ZFHX3: variants seen among roughly 807,000 people sequenced by gnomAD.
The protein encoded by ZFHX3 is zinc finger homeobox protein 3.
A neutral mutation model predicts 279.1 loss-of-function variants in ZFHX3; 42 were observed. That is an observed-to-expected ratio of 0.15 (90% CI 0.12 to 0.19). The LOEUF (loss-of-function observed/expected upper bound fraction) is 0.19, where lower values mean the gene tolerates loss of function less well. Among genes scored for constraint, ZFHX3 ranks in the 10% least tolerant of loss-of-function variants. ZFHX3 has a pLI of 1.00. For missense variants in ZFHX3, 4,981 were observed against 4,754.0 expected (o/e 1.05, Z -1.40); for synonymous variants, 2,293 against 1,957.8 (o/e 1.17, Z -4.52).
At chr16:73,052,077 C>T (rs1276073922), upstream of ZFHX3, among the ~76,000 whole-genome samples, 1 of 152,122 alleles carries the variant, frequency 6.6e-6, no homozygotes, top group Non-Finnish European at 1.5e-5. Context: ...CCGTCTGACA[C>T]ATCCCTTTAC....
chr16:73,809,916 G>A (rs889421387), intron 1 of ZFHX3, among the ~76,000 whole-genome samples: 5 of 152,254 alleles, frequency 3.3e-5, no homozygotes, highest in Admixed American at 2.6e-4. Context: ...TACCTATGCT[G>A]ACATTGTATT....
At chr16:73,450,345 A>G (rs1420898867) in intron 3 of ZFHX3, among the ~76,000 whole-genome samples, 1 of 152,212 alleles carries the variant, frequency 6.6e-6, no homozygotes, top group Admixed American at 6.5e-5. Flanking sequence ...AAATGCTTAG[A>G]CATTCAACAG....
chr16:73,506,296 G>A (rs1404817485), intron 2 of ZFHX3, among the ~76,000 whole-genome samples: 1 of 152,178 alleles, frequency 6.6e-6, no homozygotes, highest in East Asian at 1.9e-4. Flanking sequence ...GACCCAGTAT[G>A]TAGGAATGCC....
chr16:73,304,726 G>A (rs1274966296), intron 4 of ZFHX3, among the ~76,000 whole-genome samples: 1 of 152,140 alleles, frequency 6.6e-6, no homozygotes. Context: ...CACTAAATAT[G>A]TTAAGGGAAT....
rs1262941084 is a variant in ZFHX3 at position 72,783,365 on chromosome 16, C to T, written c.*3799G>A. On this transcript the variant is annotated 3_prime_UTR_variant, in exon 10 of 10. Coordinates refer to ENST00000268489, the MANE Select transcript of ZFHX3 (RefSeq NM_006885.4). The stretch of plus-strand genomic sequence containing the variant: ...ACAGTGGGCAGTATCTCAGCGCCAA[C>T]AAACAACTCAATTTATGCTTCTATT... The T allele has an allele frequency of 6.6e-6, 1 of 152,282 alleles. No homozygotes were observed. 9.4% of individuals were successfully genotyped at this position (152,282 alleles called of 1,614,324 possible).
intron 3 of ZFHX3, among the ~76,000 whole-genome samples, chr16:73,408,979 G>A (rs1360813950): frequency 6.6e-6 from 1 of 152,088 alleles, no homozygotes; most frequent in Non-Finnish European, 1.5e-5. Context: ...ATTTCAGGAT[G>A]GCCTTGTGCA....
intron 2 of ZFHX3, among the ~76,000 whole-genome samples, chr16:73,662,475 A>T (rs955804568): frequency 2.4e-4 from 25 of 105,342 alleles, no homozygotes; most frequent in African/African-American, 6.5e-4. Context: ...AACACTTTCG[A>T]TTTTTCTTCC....
intron 1 of ZFHX3, among the ~76,000 whole-genome samples, chr16:73,018,063 G>A (rs2144642283): frequency 6.6e-6 from 1 of 150,512 alleles, no homozygotes; most frequent in Admixed American, 6.6e-5. Context: ...ATGGCTCACT[G>A]CAGCCTCAAT....
chr16:73,710,248 A>G (rs543835984), intron 1 of ZFHX3, among the ~76,000 whole-genome samples: 1 of 152,338 alleles, frequency 6.6e-6, no homozygotes, highest in Non-Finnish European at 1.5e-5. Context: ...AAGCATTTAA[A>G]TCAGAGCCTC....
At chr16:73,586,206 T>C (rs1178009220) in intron 2 of ZFHX3, among the ~76,000 whole-genome samples, 1 of 151,786 alleles carries the variant, frequency 6.6e-6, no homozygotes, top group Non-Finnish European at 1.5e-5. Context: ...CTGGCCAACA[T>C]GGTGAAACCC....
intron 1 of ZFHX3, among the ~76,000 whole-genome samples, chr16:73,814,296 C>T (rs1487684724): frequency 6.6e-6 from 1 of 151,994 alleles, no homozygotes; most frequent in Non-Finnish European, 1.5e-5. Context: ...TACTGTAAAG[C>T]CATAAAGCCA....
intron 2 of ZFHX3, among the ~76,000 whole-genome samples, chr16:72,952,082 T>C (rs876444): frequency 0.61 from 92,830 of 151,942 alleles, 29,497 homozygotes; most frequent in Non-Finnish European, 0.71. Flanking sequence ...GTACAAAATA[T>C]ACAAAAGAAA....
chr16:73,015,748 G>A (rs1964079846), intron 1 of ZFHX3: 1 of 152,234 alleles, frequency 6.6e-6, no homozygotes, highest in Non-Finnish European at 1.5e-5. Context: ...GAATGGCTCG[G>A]GAAGGCCGTG....
chr16:73,766,969 TC>T (rs2053954275), intron 1 of ZFHX3, among the ~76,000 whole-genome samples: 1 of 150,222 alleles, frequency 6.7e-6, no homozygotes. Context: ...GGAGTCTTAC[TC>T]TGTTGCCCAG....
intron 2 of ZFHX3, among the ~76,000 whole-genome samples, chr16:73,478,322 G>C (rs555927223): frequency 1.1e-4 from 17 of 150,654 alleles, no homozygotes; most frequent in African/African-American, 2.0e-4. Flanking sequence ...TGACATGCCT[G>C]AACAGGGACT....
chr16:73,353,238 T>G (rs866983598), intron 3 of ZFHX3, among the ~76,000 whole-genome samples: 7 of 152,200 alleles, frequency 4.6e-5, no homozygotes, highest in Admixed American at 1.3e-4. Context: ...CCCATTTGTT[T>G]AAAAACACTA....
intron 2 of ZFHX3, chr16:73,483,295 C>G (rs951388716): frequency 2.3e-6 from 1 of 441,826 alleles, no homozygotes; most frequent in African/African-American, 2.1e-5. Flanking sequence ...TGCACGGAGC[C>G]TCCGAGAGAG....
intron 2 of ZFHX3, among the ~76,000 whole-genome samples, chr16:73,666,921 G>A (rs2086416): frequency 0.5 from 75,303 of 151,854 alleles, 20,915 homozygotes; most frequent in East Asian, 0.81. Context: ...ATTCATCCAC[G>A]TTATTGAGTT....
intron 3 of ZFHX3, among the ~76,000 whole-genome samples, chr16:73,374,429 T>C (rs945223352): frequency 6.6e-6 from 1 of 152,098 alleles, no homozygotes; most frequent in Non-Finnish European, 1.5e-5. Context: ...CCACTCTCCT[T>C]CACTTTATTA....
Sources: allele counts gnomAD v4.1 joint callset (sites outside exome capture counted in the v4.1 genomes callset), GRCh38; gene constraint gnomAD v4.1.1; transcripts MANE v1.5; gene names NCBI Gene and HGNC (gene_info 2026-07-23, HGNC 2026-07-21).